The following CLVS1 variants were observed in gnomAD, a reference collection of about 807,000 sequenced individuals.
CLVS1 encodes clavesin 1, also known as clavesin-1.
CLVS1 carries 10 observed loss-of-function variants against 33.1 expected under a neutral mutation model. That is an observed-to-expected ratio of 0.30 (90% CI 0.19 to 0.51). The LOEUF is 0.51. CLVS1 is among the 20% of genes least tolerant of loss of function. The probability of loss-of-function intolerance (pLI) is 0.97; values close to 1 mark genes in which losing one functional copy is unlikely to be tolerated. For synonymous variants in CLVS1, 163 were observed against 166.1 expected, an observed-to-expected ratio of 0.98 and a Z score of 0.14; for missense variants, 343 against 433.4, an observed-to-expected ratio of 0.79 and a Z score of 1.85.
At chr8:61,115,187 T>C (rs1805694997) in intron 1 of CLVS1, among the ~76,000 whole-genome samples, 1 of 152,196 alleles carries the variant, frequency 6.6e-6, no homozygotes, top group Non-Finnish European at 1.5e-5. Flanking sequence ...TTGGACAAAT[T>C]GCTCTAAATC....
In CLVS1 at chr8:61,261,432, A is replaced by G. The variant is rs567720984; in HGVS notation, c.-151-38245A>G. Among the ~76,000 whole-genome samples, 9 of 152,294 alleles carry G rather than the reference A, an allele frequency of 5.9e-5. No individual in the cohort carries two copies. In the East Asian group the frequency reaches 1.5e-3, roughly 26 times the overall value. On this transcript the variant is annotated intron_variant, in intron 2 of 2. Transcript: ENST00000522621. ...AGTGCAAGAGGGTCCCCTGTTAGAC[A>G]TTGCCATTTGCCACCCACTCTACAA... is the stretch of plus-strand genomic sequence containing the variant.
the CLVS1 span, among the ~76,000 whole-genome samples, chr8:61,047,545 A>G: frequency 6.6e-6 from 1 of 152,220 alleles, no homozygotes; most frequent in African/African-American, 2.4e-5. Context: ...ACCAACCCAA[A>G]TGTCCAACAA....
At chr8:61,333,534 A>G (rs1811675863) in intron 2 of CLVS1, among the ~76,000 whole-genome samples, 1 of 152,216 alleles carries the variant, frequency 6.6e-6, no homozygotes, top group Non-Finnish European at 1.5e-5. Context: ...CCAAGTGCTT[A>G]TTACTATGTG....
At chr8:60,973,078 G>T in the CLVS1 span, among the ~76,000 whole-genome samples, 3 of 152,192 alleles carry the variant, frequency 2.0e-5, no homozygotes, top group Non-Finnish European at 4.4e-5. Flanking sequence ...AGTCATGGGG[G>T]TCTGTCCAGA....
intron 3 of CLVS1, chr8:61,378,478 G>A (rs1463912244): frequency 6.6e-6 from 1 of 152,158 alleles, no homozygotes; most frequent in East Asian, 1.9e-4. Context: ...ACCTTTGGAG[G>A]GGCAACTTGG....
intron 2 of CLVS1, among the ~76,000 whole-genome samples, chr8:61,316,143 C>T (rs1811001170): frequency 6.6e-6 from 1 of 152,150 alleles, no homozygotes; most frequent in Non-Finnish European, 1.5e-5. Flanking sequence ...ACCCAGCAAT[C>T]CCATTATTGG....
chr8:61,199,659 A>C (rs970475714), intron 2 of CLVS1, among the ~76,000 whole-genome samples: 2 of 152,218 alleles, frequency 1.3e-5, no homozygotes, highest in African/African-American at 4.8e-5. Flanking sequence ...GCTGGTGGGA[A>C]TGTAAACTAG....
intron 2 of CLVS1, among the ~76,000 whole-genome samples, chr8:61,178,076 A>C (rs891898163): frequency 3.3e-5 from 5 of 152,158 alleles, no homozygotes; most frequent in Non-Finnish European, 5.9e-5. Flanking sequence ...CTCTAACTCA[A>C]CGCAAAGAAG....
At chr8:61,246,944 C>G (rs1808823835) in intron 2 of CLVS1, among the ~76,000 whole-genome samples, 1 of 152,014 alleles carries the variant, frequency 6.6e-6, no homozygotes, top group South Asian at 2.1e-4. Flanking sequence ...CTTTTCTGCT[C>G]CTCTCCCTCT....
At chr8:61,268,948 T>G (rs1473794491) in intron 2 of CLVS1, among the ~76,000 whole-genome samples, 3 of 106,872 alleles carry the variant, frequency 2.8e-5, no homozygotes, top group African/African-American at 3.7e-5. Context: ...TTGTGAAAAT[T>G]TTCTCCCATT....
At chr8:61,365,134 T>A (rs928911906) in intron 2 of CLVS1, among the ~76,000 whole-genome samples, 3 of 152,196 alleles carry the variant, frequency 2.0e-5, no homozygotes, top group Non-Finnish European at 2.9e-5. Context: ...TCCAATTTCT[T>A]ATCCCAAAAG....
At chr8:61,035,183 T>TTTTC in the CLVS1 span, among the ~76,000 whole-genome samples, 16 of 89,528 alleles carry the variant, frequency 1.8e-4, no homozygotes, top group African/African-American at 6.2e-4. Flanking sequence ...TTCTTTTCTT[T>TTTTC]TTTCTTTTTT....
chr8:60,994,131 G>A, the CLVS1 span, among the ~76,000 whole-genome samples: 1 of 152,126 alleles, frequency 6.6e-6, no homozygotes, highest in Non-Finnish European at 1.5e-5. Flanking sequence ...CAGCAGCATT[G>A]GTGTCTCCTG....
At chr8:61,321,664 C>G (rs1381331394) in intron 2 of CLVS1, among the ~76,000 whole-genome samples, 2 of 152,116 alleles carry the variant, frequency 1.3e-5, no homozygotes, top group Non-Finnish European at 2.9e-5. Flanking sequence ...TGCAGTTCCT[C>G]CTACCAGGGT....
chr8:61,258,133 G>C (rs967298772), intron 2 of CLVS1, among the ~76,000 whole-genome samples: 1 of 152,144 alleles, frequency 6.6e-6, no homozygotes, highest in Non-Finnish European at 1.5e-5. Flanking sequence ...TTGCACAAAC[G>C]CTCTTGCCTT....
Position 61,123,502 on chromosome 8 carries a change from C to A in CLVS1, c.-242-8268C>A, listed in dbSNP as rs185598667. Among the ~76,000 whole-genome samples, 528 of 152,216 alleles carry A rather than the reference C, an allele frequency of 3.5e-3. 2 individuals carry two copies. Among genetic ancestry groups the A allele is most frequent in the Non-Finnish European group, 4.8e-3 (326 of 68,012 alleles). On this transcript the variant is annotated intron_variant, in intron 1 of 2. Coordinates refer to the CLVS1 transcript ENST00000522621. ...TGGTAAACATAGTTCAAATTGTTCT[C>A]CAAATTTTCCTTTTAATCAAGAATG...
intron 3 of CLVS1, among the ~76,000 whole-genome samples, chr8:61,420,589 G>A (rs1341881925): frequency 6.9e-6 from 1 of 145,568 alleles, no homozygotes; most frequent in Non-Finnish European, 1.5e-5. Context: ...GCAACAGAGC[G>A]AGATTCCATC....
At chr8:61,322,685 T>G (rs1811239486) in intron 2 of CLVS1, among the ~76,000 whole-genome samples, 1 of 152,174 alleles carries the variant, frequency 6.6e-6, no homozygotes, top group South Asian at 2.1e-4. Flanking sequence ...AGGAATGGAC[T>G]ATTCATAAGT....
chr8:61,468,716 T>A (rs1429268695), intron 5 of CLVS1, among the ~76,000 whole-genome samples: 26 of 92,460 alleles, frequency 2.8e-4, no homozygotes, highest in African/African-American at 4.3e-4. Flanking sequence ...GTAAAAGTAC[T>A]AAAAAAAAAA....
Sources: allele counts gnomAD v4.1 joint callset (sites outside exome capture counted in the v4.1 genomes callset), GRCh38; gene constraint gnomAD v4.1.1; transcripts MANE v1.5; gene names NCBI Gene and HGNC (gene_info 2026-07-23, HGNC 2026-07-21).